Variants in SPOCK1 observed in about 807,000 individuals in gnomAD.
The protein encoded by SPOCK1 is testican-1.
SPOCK1 carries 23 observed loss-of-function variants against 55.3 expected under a neutral mutation model. The observed-to-expected ratio is 0.42, with a 90% CI of 0.30 to 0.59. The LOEUF is 0.59. Among genes scored for constraint, SPOCK1 ranks in the 20% least tolerant of loss-of-function variants. The probability of loss-of-function intolerance (pLI) is 0.22; values close to 1 mark genes in which losing one functional copy is unlikely to be tolerated. For synonymous variants in SPOCK1, 226 were observed against 221.0 expected (o/e 1.02, Z -0.20); for missense variants, 499 against 552.5 (o/e 0.90, Z 0.97).
chr5:137,143,409 T>A (rs1754136301), intron 3 of SPOCK1, among the ~76,000 whole-genome samples: 1 of 152,142 alleles, frequency 6.6e-6, no homozygotes, highest in Admixed American at 6.5e-5. Flanking sequence ...GCTGAGCAGA[T>A]CCGGGAACAG....
At chr5:137,344,026 T>C (rs946181197) in intron 2 of SPOCK1, among the ~76,000 whole-genome samples, 1 of 152,224 alleles carries the variant, frequency 6.6e-6, no homozygotes, top group African/African-American at 2.4e-5. Context: ...GTCTATAACC[T>C]TTTGGGAATA....
chr5:137,266,000 CT>C (rs1330325793), intron 3 of SPOCK1, among the ~76,000 whole-genome samples: 1 of 152,174 alleles, frequency 6.6e-6, no homozygotes, highest in African/African-American at 2.4e-5. Flanking sequence ...TGTTACACTA[CT>C]TCAAAGCCTA....
chr5:137,422,600 G>A (rs1474344874), intron 2 of SPOCK1, among the ~76,000 whole-genome samples: 2 of 151,484 alleles, frequency 1.3e-5, no homozygotes, highest in Admixed American at 6.6e-5. Flanking sequence ...TTGTGCATTC[G>A]TCACGTAGTT....
intron 5 of SPOCK1, among the ~76,000 whole-genome samples, chr5:137,109,326 G>A (rs1053343895): frequency 1.3e-5 from 2 of 152,220 alleles, no homozygotes; most frequent in Admixed American, 6.5e-5. Context: ...CTTGGCCCAG[G>A]ATAGGGATGG....
At chr5:137,384,576 A>ATATG (rs1489627197) in intron 2 of SPOCK1, among the ~76,000 whole-genome samples, 1 of 140,226 alleles carries the variant, frequency 7.1e-6, no homozygotes, top group Non-Finnish European at 1.5e-5. Context: ...ATATATATAT[A>ATATG]TATGTATGTA....
At chr5:137,212,421 T>C (rs933852067) in intron 3 of SPOCK1, among the ~76,000 whole-genome samples, 4 of 152,216 alleles carry the variant, frequency 2.6e-5, no homozygotes, top group Non-Finnish European at 4.4e-5. Context: ...AACTAATACG[T>C]GAATGATGGT....
intron 2 of SPOCK1, among the ~76,000 whole-genome samples, chr5:137,476,727 C>A (rs1246686102): frequency 1.3e-5 from 2 of 152,150 alleles, no homozygotes; most frequent in Non-Finnish European, 2.9e-5. Context: ...AAGTTCAACA[C>A]CAGCCTGGCC....
At chr5:137,015,406 C>T (rs540176212) in intron 6 of SPOCK1, among the ~76,000 whole-genome samples, 38 of 152,178 alleles carry the variant, frequency 2.5e-4, no homozygotes, top group Admixed American at 5.2e-4. Flanking sequence ...GAAGAGATTG[C>T]GCCACTGCAC....
intron 6 of SPOCK1, among the ~76,000 whole-genome samples, chr5:137,016,774 C>T (rs1375539334): frequency 6.6e-6 from 1 of 152,236 alleles, no homozygotes; most frequent in African/African-American, 2.4e-5. Flanking sequence ...AGGACCAAAA[C>T]TATTTGCTGT....
chr5:137,024,320 G>GGGGT (rs1751630456), intron 6 of SPOCK1, among the ~76,000 whole-genome samples: 1 of 147,680 alleles, frequency 6.8e-6, no homozygotes, highest in Non-Finnish European at 1.5e-5. Flanking sequence ...TTGAAGGGGG[G>GGGGT]GGGGTAGTTA....
chr5:137,073,414 G>C (rs1450863226), intron 5 of SPOCK1, among the ~76,000 whole-genome samples: 1 of 152,180 alleles, frequency 6.6e-6, no homozygotes, highest in African/African-American at 2.4e-5. Context: ...CAAGGAAAAA[G>C]GAAGCACAAA....
chr5:137,213,893 G>T (rs1755664961), intron 3 of SPOCK1, among the ~76,000 whole-genome samples: 1 of 152,162 alleles, frequency 6.6e-6, no homozygotes, highest in Non-Finnish European at 1.5e-5. Flanking sequence ...TACTCTTGAA[G>T]CAAGAACAGT....
chr5:137,050,631 G>A (rs527653936), intron 6 of SPOCK1, among the ~76,000 whole-genome samples: 9 of 152,164 alleles, frequency 5.9e-5, no homozygotes, highest in East Asian at 1.9e-4. Flanking sequence ...GCTGTAGACC[G>A]GAGCTGTTCC....
intron 3 of SPOCK1, among the ~76,000 whole-genome samples, chr5:137,172,394 C>T (rs1166913820): frequency 6.6e-6 from 1 of 152,018 alleles, no homozygotes; most frequent in Non-Finnish European, 1.5e-5. Context: ...ATATGGTGAG[C>T]GAAAGAGTCA....
chr5:137,108,265 T>G (rs1162275695), intron 5 of SPOCK1, among the ~76,000 whole-genome samples: 1 of 152,190 alleles, frequency 6.6e-6, no homozygotes, highest in African/African-American at 2.4e-5. Context: ...AATAGCCCCC[T>G]TGGAAGGAAG....
intron 3 of SPOCK1, among the ~76,000 whole-genome samples, chr5:137,183,706 A>G (rs905854608): frequency 3.3e-5 from 5 of 152,358 alleles, no homozygotes; most frequent in East Asian, 3.9e-4. Context: ...GAGAGCCTCA[A>G]TCTCTCGAAA....
intron 6 of SPOCK1, among the ~76,000 whole-genome samples, chr5:137,053,163 A>G (rs1752236714): frequency 6.6e-6 from 1 of 152,140 alleles, no homozygotes; most frequent in South Asian, 2.1e-4. Flanking sequence ...CTGAGACAAG[A>G]AGCATGACCT....
At chr5:137,304,077 T>G (rs2348456) in intron 2 of SPOCK1, among the ~76,000 whole-genome samples, 97,651 of 149,904 alleles carry the variant, frequency 0.65, 31,777 homozygotes, top group Admixed American at 0.7. Flanking sequence ...TTTTTTTTTT[T>G]TTTTTGGTTC....
chr5:137,305,651 T>C (rs1322104737), intron 2 of SPOCK1, among the ~76,000 whole-genome samples: 3 of 152,224 alleles, frequency 2.0e-5, no homozygotes, highest in Non-Finnish European at 4.4e-5. Context: ...CATTTAATTA[T>C]GATCTCCGCT....
Sources: allele counts gnomAD v4.1 joint callset (sites outside exome capture counted in the v4.1 genomes callset), GRCh38; gene constraint gnomAD v4.1.1; transcripts MANE v1.5; gene names NCBI Gene and HGNC (gene_info 2026-07-23, HGNC 2026-07-21).